The following ACAD11 variants were observed in gnomAD, a reference collection of about 807,000 sequenced individuals.
ACAD11 encodes acyl-CoA dehydrogenase family member 11.
Under a neutral mutation model 102.2 loss-of-function variants are expected in ACAD11, and 83 were observed. The observed-to-expected ratio is 0.81, with a 90% confidence interval of 0.68 to 0.97. The LOEUF (loss-of-function observed/expected upper bound fraction) is 0.97, where lower values mean the gene tolerates loss of function less well. ACAD11 is among the 50% of genes least tolerant of loss of function. The pLI is 0.00. For synonymous variants in ACAD11, 324 were observed against 319.8 expected (o/e 1.01, Z -0.14); for missense variants, 901 against 951.7 (o/e 0.95, Z 0.70).
intron 11 of ACAD11, among the ~76,000 whole-genome samples, chr3:132,615,293 A>G (rs897391778): frequency 2.6e-5 from 4 of 152,200 alleles, no homozygotes; most frequent in Non-Finnish European, 5.9e-5. Flanking sequence ...TAGAACCAGA[A>G]ATACCATTTG....
chr3:132,559,175 C>T, intron 19 of ACAD11, 90 bp from the exon 20 acceptor site: 2 of 893,714 alleles, frequency 2.2e-6, no homozygotes, highest in Non-Finnish European at 3.6e-6. Flanking sequence ...TCAACCAAGA[C>T]TATATTAATT....
intron 1 of ACAD11, 196 bp downstream of exon 1, chr3:132,659,407 A>T (rs1938002430): frequency 1.5e-6 from 1 of 646,068 alleles, no homozygotes; most frequent in South Asian, 2.2e-5. Context: ...CGCTTCCATT[A>T]CCGCCCTCCA....
chr3:132,562,302 AC>A (rs1324713002), intron 17 of ACAD11, among the ~76,000 whole-genome samples: 1 of 152,054 alleles, frequency 6.6e-6, no homozygotes, highest in East Asian at 1.9e-4. Flanking sequence ...ACAGGGTTTC[AC>A]CATATTGGCC....
chr3:132,573,944 C>G (rs1221507016), intron 17 of ACAD11, among the ~76,000 whole-genome samples: 1 of 152,120 alleles, frequency 6.6e-6, no homozygotes, highest in Non-Finnish European at 1.5e-5. Flanking sequence ...AAAGCTGGCC[C>G]AGATTTTTGC....
chr3:132,579,352 A>C (rs1937566326), intron 14 of ACAD11, 140 bp downstream of exon 14: 2 of 719,552 alleles, frequency 2.8e-6, no homozygotes, highest in Non-Finnish European at 4.5e-6. Flanking sequence ...ATACTTGTGA[A>C]ATACAAATAT....
At chr3:132,618,876 A>G in intron 10 of ACAD11, 104 bp from the exon 11 acceptor site, 2 of 1,161,898 alleles carry the variant, frequency 1.7e-6, no homozygotes, top group Non-Finnish European at 2.3e-6. Flanking sequence ...GAAATTTAAA[A>G]ACACTTATGG....
At chr3:132,605,267 C>T in intron 11 of ACAD11, 62 bp from the exon 12 acceptor site, 1 of 1,214,518 alleles carries the variant, frequency 8.2e-7, no homozygotes. Flanking sequence ...AAATCCACAA[C>T]TTTATGTAGA....
intron 11 of ACAD11, among the ~76,000 whole-genome samples, chr3:132,610,044 T>C (rs76487500): frequency 2.0e-5 from 3 of 152,148 alleles, no homozygotes; most frequent in African/African-American, 7.2e-5. Context: ...ATTATCTCAA[T>C]AGATGCAGAA....
chr3:132,598,264 C>T (rs1938403842), intron 13 of ACAD11, among the ~76,000 whole-genome samples: 1 of 152,194 alleles, frequency 6.6e-6, no homozygotes, highest in South Asian at 2.1e-4. Flanking sequence ...CCAAAACTTA[C>T]GAATTCTGTG....
At chr3:132,573,464 AAATT>A (rs1240813186) in intron 17 of ACAD11, among the ~76,000 whole-genome samples, 4 of 152,174 alleles carry the variant, frequency 2.6e-5, no homozygotes, top group Non-Finnish European at 5.9e-5. Flanking sequence ...TATATTATTA[AAATT>A]AATTCCATCT....
chr3:132,575,845 G>T lies in ACAD11; in HGVS notation c.1928C>A (p.Ala643Glu), dbSNP rs777865245. The T allele has an allele frequency of 3.3e-5, 53 of 1,613,838 alleles. No homozygotes were observed. Among genetic ancestry groups the T allele is most frequent in the Non-Finnish European group, 4.4e-5 (52 of 1,179,988 alleles). ...IHHCMRTVGL[A>E]ERALQIMCER... The stretch of plus-strand genomic sequence containing the variant: ...ACACATGATCTGCAAAGCGCGTTCC[G>T]CCAAACCTACTGTTCTCATACAGTG... Residue 643 changes from alanine (A) to glutamate (E), a missense_variant, in exon 17 of 20, where the codon GCG becomes GAG. Coordinates refer to ENST00000264990, the MANE Select transcript of ACAD11 (RefSeq NM_032169.5).
chr3:132,598,265 G>T (rs964845349), intron 13 of ACAD11, among the ~76,000 whole-genome samples: 5 of 152,070 alleles, frequency 3.3e-5, no homozygotes, highest in Admixed American at 2.6e-4. Flanking sequence ...CAAAACTTAC[G>T]AATTCTGTGC....
In ACAD11 at chr3:132,575,837, C is replaced by T. The variant is rs766955027; in HGVS notation, c.1936G>A (p.Ala646Thr). The T allele has an allele frequency of 2.1e-5, 34 of 1,614,016 alleles. No individual in the cohort carries two copies. The highest frequency in any genetic ancestry group is 4.4e-5 in the South Asian group (4 of 91,070). The change falls in exon 17 of 20, where the codon GCT (alanine) becomes ACT (threonine). Residue 646 changes from alanine (A) to threonine (T), a missense_variant. Physicochemically the swap from Ala to Thr is moderately conservative, Grantham distance 58. Coordinates refer to ENST00000264990, the MANE Select transcript of ACAD11 (RefSeq NM_032169.5). ...GCCCGCTCACACATGATCTGCAAAG[C>T]GCGTTCCGCCAAACCTACTGTTCTC... ...CMRTVGLAERALQIMCERATQ... is the reference protein window; with the variant it reads ...CMRTVGLAERTLQIMCERATQ...
intron 17 of ACAD11, among the ~76,000 whole-genome samples, chr3:132,573,436 A>G (rs1937440996): frequency 6.6e-6 from 1 of 152,264 alleles, no homozygotes; most frequent in Non-Finnish European, 1.5e-5. Flanking sequence ...TATTTTTGAT[A>G]TATTGGGTTA....
intron 17 of ACAD11, among the ~76,000 whole-genome samples, chr3:132,562,495 T>C (rs2107777848): frequency 6.6e-6 from 1 of 152,324 alleles, no homozygotes; most frequent in South Asian, 2.1e-4. Context: ...GTTGGGTCAG[T>C]GGTAAATGTT....
At chr3:132,582,313 A>G (rs1279531208) in intron 13 of ACAD11, among the ~76,000 whole-genome samples, 3 of 150,544 alleles carry the variant, frequency 2.0e-5, no homozygotes, top group Non-Finnish European at 4.4e-5. Flanking sequence ...TATAATGGAA[A>G]CCAGAGAACT....
chr3:132,644,804 G>T lies in ACAD11; in HGVS notation c.242C>A (p.Ala81Glu). 6.2e-7 allele frequency: 1 copy of T among 1,604,038 alleles called. No homozygotes were observed. The highest frequency in any genetic ancestry group is 8.5e-7 in the Non-Finnish European group (1 of 1,172,898). The change falls in exon 2 of 20, where the codon GCA (alanine) becomes GAA (glutamate). Residue 81 changes from alanine to glutamate, a missense_variant. Physicochemically the swap from Ala to Glu is moderately radical, Grantham distance 107. Coordinates refer to ENST00000264990, the MANE Select transcript of ACAD11 (RefSeq NM_032169.5). ...KKPPGSLLPK[A>E]HQIDREFKVQ... ...TACATTTGTATACTATACCTGATGTGCTTTAGGAAGAAGTGAACCTGGTGG... is the reference window on the plus strand; with the variant it reads ...TACATTTGTATACTATACCTGATGTTCTTTAGGAAGAAGTGAACCTGGTGG...
At chr3:132,565,008 T>C (rs1937169577) in intron 17 of ACAD11, among the ~76,000 whole-genome samples, 1 of 151,938 alleles carries the variant, frequency 6.6e-6, no homozygotes, top group African/African-American at 2.4e-5. Flanking sequence ...AACAAAAACA[T>C]AAAGCACCCC....
chr3:132,641,100 A>G (rs1940475689), intron 4 of ACAD11, among the ~76,000 whole-genome samples: 1 of 152,164 alleles, frequency 6.6e-6, no homozygotes, highest in Admixed American at 6.5e-5. Flanking sequence ...GGTTTCGTGA[A>G]TGACATGCAT....
Sources: gnomAD v4.1 joint callset for allele counts (sites outside exome capture counted in the v4.1 genomes callset) on GRCh38, gnomAD v4.1.1 for gene constraint, MANE v1.5 for transcripts, NCBI Gene and HGNC (gene_info 2026-07-23, HGNC 2026-07-21) for gene names.